Variants in MPPED2 observed in about 807,000 individuals in gnomAD.
MPPED2 encodes the protein metallophosphoesterase MPPED2.
A neutral mutation model predicts 33.0 loss-of-function variants in MPPED2; 5 were observed. The observed-to-expected ratio is 0.15, with a 90% confidence interval of 0.08 to 0.32. The LOEUF is 0.32. Among genes scored for constraint, MPPED2 ranks in the 10% least tolerant of loss-of-function variants. The probability of loss-of-function intolerance (pLI) is 1.00; values close to 1 mark genes in which losing one functional copy is unlikely to be tolerated. For synonymous variants in MPPED2, 136 were observed against 141.9 expected (o/e 0.96, Z 0.29); for missense variants, 275 against 372.1 (o/e 0.74, Z 2.15).
At chr11:30,548,861 A>G (rs1020499795) in intron 2 of MPPED2, among the ~76,000 whole-genome samples, 4 of 152,298 alleles carry the variant, frequency 2.6e-5, no homozygotes, top group African/African-American at 7.2e-5. Context: ...GAATTTTTCT[A>G]AATTTGTTAA....
intron 4 of MPPED2, among the ~76,000 whole-genome samples, chr11:30,466,047 ACTTTT>A (rs1950693562): frequency 6.6e-6 from 1 of 152,166 alleles, no homozygotes; most frequent in Non-Finnish European, 1.5e-5. Context: ...ATATTCTTTT[ACTTTT>A]CTTTTCAGTT....
At chr11:30,424,404 G>T (rs1948742297) in intron 4 of MPPED2, among the ~76,000 whole-genome samples, 1 of 152,102 alleles carries the variant, frequency 6.6e-6, no homozygotes, top group Non-Finnish European at 1.5e-5. Flanking sequence ...GGCACTCCCA[G>T]CCGCCATCGG....
At position 30,586,315 on chromosome 11, in the gene MPPED2, G is replaced by C. The variant is rs1414060499; in HGVS notation, c.-395C>G. 6.5e-6 allele frequency: 1 copy of C among 153,950 alleles called. No homozygotes were observed. Among genetic ancestry groups the C allele is most frequent in the Non-Finnish European group, 1.4e-5 (1 of 69,580 alleles). The allele number at this position is 153,950 out of a possible 1,614,324, so 9.5% of individuals were successfully genotyped here. ...GAGCGAGGGGGCGAGGAGAGGGAGC[G>C]AGGGCGCGGCGAGCCGGAGGGAGAG... On this transcript the variant is annotated 5_prime_UTR_variant, in exon 1 of 7. Coordinates refer to ENST00000358117, the MANE Select transcript of MPPED2 (RefSeq NM_001584.3). The surrounding 1 kb of genome is among the most constrained non-coding windows in gnomAD (Gnocchi z 4.8).
chr11:30,573,333 G>C (rs746115307), intron 2 of MPPED2, among the ~76,000 whole-genome samples: 28 of 152,262 alleles, frequency 1.8e-4, no homozygotes, highest in Admixed American at 2.6e-4. Context: ...ATTATGGATA[G>C]TACATCATAT....
chr11:30,479,910 A>T (rs1408497124), intron 4 of MPPED2, among the ~76,000 whole-genome samples: 1 of 152,148 alleles, frequency 6.6e-6, no homozygotes, highest in East Asian at 1.9e-4. Flanking sequence ...ATTGTAAGTA[A>T]ATAGGGCCTC....
At chr11:30,459,074 C>T (rs1200671841) in intron 4 of MPPED2, among the ~76,000 whole-genome samples, 3 of 151,084 alleles carry the variant, frequency 2.0e-5, no homozygotes, top group East Asian at 1.9e-4. Context: ...TACAGGCGCC[C>T]GCCACTACGC....
intron 3 of MPPED2, among the ~76,000 whole-genome samples, chr11:30,497,111 G>T (rs1488542362): frequency 6.6e-6 from 1 of 152,098 alleles, no homozygotes; most frequent in African/African-American, 2.4e-5. Context: ...TATTTGTAAG[G>T]CTATGCTGAA....
intron 2 of MPPED2, among the ~76,000 whole-genome samples, 190 bp from the exon 3 acceptor site, chr11:30,536,365 G>C (rs943702969): frequency 2.0e-5 from 3 of 152,064 alleles, no homozygotes; most frequent in African/African-American, 7.2e-5. Flanking sequence ...CAAACCCACT[G>C]GGCAAATTCA....
At chr11:30,503,383 C>T (rs946814696) in intron 3 of MPPED2, among the ~76,000 whole-genome samples, 1 of 152,158 alleles carries the variant, frequency 6.6e-6, no homozygotes, top group Admixed American at 6.5e-5. Context: ...CTAATACAGC[C>T]TGCCAACTTT....
intron 1 of MPPED2, among the ~76,000 whole-genome samples, chr11:30,582,236 T>C (rs1957200410): frequency 6.6e-6 from 1 of 152,226 alleles, no homozygotes; most frequent in South Asian, 2.1e-4. Flanking sequence ...AACTGCATAA[T>C]TGCGTCGCGC....
At chr11:30,555,773 C>G (rs553422936) in intron 2 of MPPED2, among the ~76,000 whole-genome samples, 3 of 152,216 alleles carry the variant, frequency 2.0e-5, no homozygotes, top group African/African-American at 7.2e-5. Flanking sequence ...TCAGGTATTT[C>G]TTCATAGCAG....
At chr11:30,561,812 G>A (rs1956251923) in intron 2 of MPPED2, among the ~76,000 whole-genome samples, 1 of 152,176 alleles carries the variant, frequency 6.6e-6, no homozygotes, top group South Asian at 2.1e-4. Flanking sequence ...ATGCACTTCA[G>A]TAGCCTACCA....
intron 4 of MPPED2, among the ~76,000 whole-genome samples, chr11:30,444,250 C>T (rs896256789): frequency 6.6e-6 from 1 of 152,120 alleles, no homozygotes; most frequent in African/African-American, 2.4e-5. Flanking sequence ...TGCATTCCAC[C>T]TGCGTTATAA....
chr11:30,535,438 C>T (rs1373945143), intron 3 of MPPED2, among the ~76,000 whole-genome samples: 1 of 152,140 alleles, frequency 6.6e-6, no homozygotes, highest in Non-Finnish European at 1.5e-5. Flanking sequence ...CACAGGGCAA[C>T]TTCACATCCC....
exon 7 of MPPED2, chr11:30,387,269 C>T (rs1947714754): frequency 6.6e-6 from 1 of 152,614 alleles, no homozygotes; most frequent in African/African-American, 2.4e-5. Context: ...CTAAGTTTTC[C>T]TAAAATCTGC....
chr11:30,397,258 A>C (rs1229530822), intron 6 of MPPED2, among the ~76,000 whole-genome samples: 1 of 152,122 alleles, frequency 6.6e-6, no homozygotes, highest in East Asian at 1.9e-4. Context: ...AGTCATACTT[A>C]TCAGCCACTA....
chr11:30,508,409 T>C (rs943472192), intron 3 of MPPED2, among the ~76,000 whole-genome samples: 1 of 152,210 alleles, frequency 6.6e-6, no homozygotes, highest in Non-Finnish European at 1.5e-5. Context: ...GCATACACTC[T>C]GTCAAAGAGC....
At chr11:30,445,533 TA>T (rs1208417371) in intron 4 of MPPED2, among the ~76,000 whole-genome samples, 2 of 152,210 alleles carry the variant, frequency 1.3e-5, no homozygotes, top group Non-Finnish European at 2.9e-5. Context: ...ATACTCACAT[TA>T]TTGTGCAACT....
intron 3 of MPPED2, among the ~76,000 whole-genome samples, chr11:30,525,880 G>C (rs531200610): frequency 2.6e-5 from 4 of 152,154 alleles, no homozygotes; most frequent in Non-Finnish European, 5.9e-5. Context: ...AGAGGATTGG[G>C]TTCACATGGA....
Sources: allele counts gnomAD v4.1 joint callset (sites outside exome capture counted in the v4.1 genomes callset), GRCh38; gene constraint gnomAD v4.1.1; non-coding constraint Gnocchi (gnomAD v3.1); transcripts MANE v1.5; gene names NCBI Gene and HGNC (gene_info 2026-07-23, HGNC 2026-07-21).